Variants in JAKMIP2 observed in about 807,000 individuals in gnomAD.
The protein encoded by JAKMIP2 is janus kinase and microtubule interacting protein 2, also known as janus kinase and microtubule-interacting protein 2.
Under a neutral mutation model 115.0 loss-of-function variants are expected in JAKMIP2, and 25 were observed. That is an observed-to-expected ratio of 0.22 (90% confidence interval 0.16 to 0.30). JAKMIP2 has a LOEUF of 0.30. Ranked by LOEUF, JAKMIP2 falls within the 10% of genes least tolerant of loss-of-function variation. JAKMIP2 has a pLI of 1.00. For synonymous variants in JAKMIP2, 334 were observed against 343.6 expected (o/e 0.97, Z 0.31); for missense variants, 642 against 957.6 (o/e 0.67, Z 4.35).
chr5:147,621,044 C>T (rs72835135), intron 17 of JAKMIP2, among the ~76,000 whole-genome samples: 63 of 152,226 alleles, frequency 4.1e-4, no homozygotes, highest in Non-Finnish European at 7.2e-4. Context: ...TAATAATAAG[C>T]CTATCTATGT....
At chr5:147,619,018 C>T (rs1263365013) in intron 18 of JAKMIP2, among the ~76,000 whole-genome samples, 1 of 152,086 alleles carries the variant, frequency 6.6e-6, no homozygotes, top group Non-Finnish European at 1.5e-5. Context: ...TTTATGGCTG[C>T]TCTCATTATA....
chr5:147,592,303 A>C lies in JAKMIP2; in HGVS notation c.*21-617T>G, dbSNP rs1755137826. Among the ~76,000 whole-genome samples, 3 of 152,172 alleles carry C rather than the reference A, an allele frequency of 2.0e-5. No individual in the cohort carries two copies. In the South Asian group the frequency reaches 6.2e-4, roughly 32 times the overall value. On this transcript the variant is annotated intron_variant, in intron 21 of 21. Transcript: ENST00000616793. ...CTTCAGTGACTTAATTCTATGTCAC[A>C]TTTCCTCCCCAACAAAATTGTAACC...
intron 1 of JAKMIP2, among the ~76,000 whole-genome samples, chr5:147,734,518 G>C: frequency 6.9e-6 from 1 of 145,724 alleles, no homozygotes; most frequent in East Asian, 2.2e-4. Context: ...GGGGGCTAGG[G>C]GAGGGACAGC....
intron 1 of JAKMIP2, among the ~76,000 whole-genome samples, chr5:147,743,223 CTG>C: frequency 6.6e-6 from 1 of 152,198 alleles, no homozygotes; most frequent in East Asian, 1.9e-4. Flanking sequence ...CCAAGGCTGT[CTG>C]ACCTGAGACA....
intron 10 of JAKMIP2, among the ~76,000 whole-genome samples, chr5:147,637,856 G>T (rs1163298032): frequency 6.6e-6 from 1 of 152,026 alleles, no homozygotes; most frequent in African/African-American, 2.4e-5. Context: ...GAGCAACTTT[G>T]TTGTCCTATG....
intron 3 of JAKMIP2, 107 bp from the exon 4 acceptor site, chr5:147,650,654 A>G: frequency 1.2e-6 from 1 of 829,382 alleles, no homozygotes; most frequent in Non-Finnish European, 1.9e-6. Flanking sequence ...ACAGAAAAAA[A>G]ATCACGGATT....
rs560968773 is a variant in JAKMIP2, at chr5:147,662,445, T to C, written c.130-1000A>G. Among the ~76,000 whole-genome samples the C allele has an allele frequency of 1.2e-4, 18 of 152,320 alleles. No individual in the cohort carries two copies. In the South Asian group the frequency reaches 3.3e-3, roughly 28 times the overall value. On this transcript the variant is annotated intron_variant, in intron 2 of 21. Coordinates refer to ENST00000616793, the MANE Select transcript of JAKMIP2 (RefSeq NM_001270941.2). ...TGTTTTGCTAAATTTCCTGTGATAA[T>C]ATAGGCCTCCTTGTAGATTAGCAAT...
At chr5:147,623,224 CT>C (rs199676287) in intron 17 of JAKMIP2, among the ~76,000 whole-genome samples, 4,943 of 138,650 alleles carry the variant, frequency 0.036, 245 homozygotes, top group East Asian at 0.14. Context: ...TTGTTCTACT[CT>C]TTTTTTTTTT....
chr5:147,690,542 TATATATA>T (rs1751786963), intron 1 of JAKMIP2, among the ~76,000 whole-genome samples: 2 of 1,750 alleles, frequency 1.1e-3, no homozygotes, highest in South Asian at 0.021. Context: ...AAAGAGATTA[TATATATA>T]TATATATATA....
Position 147,702,666 on chromosome 5 carries a change from GA to G in JAKMIP2, c.-148-30713del, listed in dbSNP as rs1561547760. Among the ~76,000 whole-genome samples the G allele has an allele frequency of 4.7e-3, 459 of 98,560 alleles. 14 individuals are homozygous for G. Among genetic ancestry groups the G allele is most frequent in the Admixed American group, 6.4e-3 (58 of 9,068 alleles). 64.7% of individuals were successfully genotyped at this position (98,560 alleles called of 152,430 possible). On this transcript the variant is annotated intron_variant, in intron 1 of 21. Transcript: ENST00000616793. ...AAAGAAAGAAAGAAAGAAAGAAAGA[GA>G]GAGAAAGAAAGAGAAAGAAAGAAAA...
At chr5:147,729,647 G>A (rs546247382) in intron 1 of JAKMIP2, among the ~76,000 whole-genome samples, 12 of 151,970 alleles carry the variant, frequency 7.9e-5, no homozygotes, top group African/African-American at 1.9e-4. Context: ...GGTGGCGGGC[G>A]CCTGTAGTCC....
intron 20 of JAKMIP2, among the ~76,000 whole-genome samples, chr5:147,608,090 G>T (rs927699426): frequency 6.6e-6 from 1 of 152,060 alleles, no homozygotes; most frequent in Non-Finnish European, 1.5e-5. Context: ...CTGGCTAGCG[G>T]TCTATGTATT....
At chr5:147,634,010 G>A (rs1222388597) in intron 12 of JAKMIP2, among the ~76,000 whole-genome samples, 1 of 152,152 alleles carries the variant, frequency 6.6e-6, no homozygotes, top group Non-Finnish European at 1.5e-5. Context: ...GCTTTTAAGG[G>A]ATCAGAAAAT....
At chr5:147,619,439 A>C (rs912488047) in intron 18 of JAKMIP2, among the ~76,000 whole-genome samples, 21 of 152,074 alleles carry the variant, frequency 1.4e-4, no homozygotes, top group Non-Finnish European at 2.9e-5. Context: ...TTGGAATGCA[A>C]AGACAAGTTC....
At chr5:147,769,104 G>C (rs941684377) in intron 1 of JAKMIP2, among the ~76,000 whole-genome samples, 2 of 152,000 alleles carry the variant, frequency 1.3e-5, no homozygotes, top group South Asian at 4.1e-4. Context: ...ATGATATCAC[G>C]GTTGTCAAAT....
At chr5:147,764,403 G>A (rs182117314) in intron 1 of JAKMIP2, among the ~76,000 whole-genome samples, 4 of 141,314 alleles carry the variant, frequency 2.8e-5, no homozygotes, top group East Asian at 2.4e-4. Flanking sequence ...TGAAAGATTC[G>A]TCTAAATGTT....
At chr5:147,694,160 C>T (rs1751994916) in intron 1 of JAKMIP2, among the ~76,000 whole-genome samples, 1 of 152,104 alleles carries the variant, frequency 6.6e-6, no homozygotes, top group Non-Finnish European at 1.5e-5. Context: ...CATTCAACCT[C>T]AGATTTAATG....
Position 147,671,714 on chromosome 5 carries a change from T to C in JAKMIP2, c.93A>G (p.Thr31=). The C allele has an allele frequency of 1.3e-6, 2 of 1,576,188 alleles. No homozygotes were observed. The highest frequency in any genetic ancestry group is 1.7e-6 in the Non-Finnish European group (2 of 1,159,898). ...AANEDLRTKL[T]DIQIELHQEK... The stretch of plus-strand genomic sequence containing the variant: ...CTTGATGCAGCTCTATCTGAATGTC[T>C]GTGAGCTTGGTCCTGAGGTCTTCAT... The change falls in exon 2 of 22, where the codon ACA becomes ACG. Residue 31 remains threonine, a synonymous_variant. Transcript: ENST00000616793.
chr5:147,693,822 C>T (rs1462410759), intron 1 of JAKMIP2, among the ~76,000 whole-genome samples: 5 of 152,064 alleles, frequency 3.3e-5, no homozygotes, highest in Admixed American at 3.3e-4. Context: ...GGTTTAAATC[C>T]TTAGAATTAC....
Sources: allele counts gnomAD v4.1 joint callset (sites outside exome capture counted in the v4.1 genomes callset), GRCh38; gene constraint gnomAD v4.1.1; transcripts MANE v1.5; gene names NCBI Gene and HGNC (gene_info 2026-07-23, HGNC 2026-07-21).